Variants in CBLB observed in about 807,000 individuals in gnomAD.
The protein encoded by CBLB is Cbl proto-oncogene B, also known as E3 ubiquitin-protein ligase CBL-B.
A neutral mutation model predicts 104.9 loss-of-function variants in CBLB; 31 were observed. That is an observed-to-expected ratio of 0.30 (90% CI 0.22 to 0.40). CBLB has a LOEUF of 0.40. Among genes scored for constraint, CBLB ranks in the 10% least tolerant of loss-of-function variants. The pLI, the probability that CBLB is intolerant of heterozygous loss-of-function variation, is 1.00. For missense variants in CBLB, 1,062 were observed against 1,214.6 expected (o/e 0.87, Z 1.87); for synonymous variants, 440 against 422.6 (o/e 1.04, Z -0.51).
chr3:105,765,262 C>T (rs1283430920), intron 4 of CBLB, among the ~76,000 whole-genome samples: 1 of 152,140 alleles, frequency 6.6e-6, no homozygotes, highest in African/African-American at 2.4e-5. Context: ...TTCAATCATA[C>T]CCCAAACCTC....
intron 10 of CBLB, among the ~76,000 whole-genome samples, chr3:105,707,847 A>G (rs757657893): frequency 1.3e-5 from 2 of 151,156 alleles, no homozygotes; most frequent in Non-Finnish European, 2.9e-5. Flanking sequence ...GCTCTTTTTT[A>G]TCCTTCTGAA....
chr3:105,726,961 A>G (rs2073734528), intron 9 of CBLB, among the ~76,000 whole-genome samples: 1 of 152,212 alleles, frequency 6.6e-6, no homozygotes, highest in East Asian at 1.9e-4. Context: ...ATAGATGGAC[A>G]TTTGGGTTGG....
intron 16 of CBLB, among the ~76,000 whole-genome samples, chr3:105,680,152 G>A (rs1442788106): frequency 6.6e-6 from 1 of 152,134 alleles, no homozygotes; most frequent in Non-Finnish European, 1.5e-5. Context: ...GTAGACAAGT[G>A]GTATTCAGTG....
At chr3:105,693,438 CA>C in intron 13 of CBLB, 55 bp downstream of exon 13, 1 of 1,038,724 alleles carries the variant, frequency 9.6e-7, no homozygotes, top group Non-Finnish European at 1.4e-6. Flanking sequence ...CTCTCAAAAC[CA>C]CTCTACCATA....
intron 3 of CBLB, among the ~76,000 whole-genome samples, chr3:105,795,442 C>T (rs1198106359): frequency 6.6e-6 from 1 of 152,158 alleles, no homozygotes; most frequent in Non-Finnish European, 1.5e-5. Context: ...ATATTAATGA[C>T]TATAAATATG....
intron 6 of CBLB, among the ~76,000 whole-genome samples, chr3:105,741,440 T>G (rs568169344): frequency 2.0e-5 from 3 of 146,518 alleles, no homozygotes; most frequent in South Asian, 2.2e-4. Context: ...CTGTCGCCCA[T>G]GCTGGAGTGC....
Position 105,853,402 on chromosome 3 carries a change from T to G in CBLB, c.419+12A>C. 1.9e-6 allele frequency: 3 copies of G among 1,613,272 alleles called. No individual in the cohort carries two copies. In the South Asian group the frequency reaches 3.3e-5, roughly 18 times the overall value. ...GACCTTTACACCAAAACATCTGAAATATTCTTCTTACCTGTCCTGTGACTG... is the reference window on the plus strand; with the variant it reads ...GACCTTTACACCAAAACATCTGAAAGATTCTTCTTACCTGTCCTGTGACTG... On this transcript the variant is annotated intron_variant, in intron 3 of 18. Transcript: ENST00000394030.
intron 2 of CBLB, among the ~76,000 whole-genome samples, chr3:105,860,941 T>G (rs945961294): frequency 3.3e-5 from 5 of 152,188 alleles, no homozygotes; most frequent in Non-Finnish European, 7.4e-5. Context: ...ACGTAGGGCT[T>G]TAATATTTTT....
chr3:105,769,682 T>C (rs2078634508), intron 4 of CBLB, among the ~76,000 whole-genome samples: 1 of 152,238 alleles, frequency 6.6e-6, no homozygotes, highest in South Asian at 2.1e-4. Context: ...TATTGAGTTG[T>C]TTCTTTGCAG....
At chr3:105,849,510 A>G (rs1364544874) in intron 3 of CBLB, among the ~76,000 whole-genome samples, 2 of 152,134 alleles carry the variant, frequency 1.3e-5, no homozygotes, top group African/African-American at 4.8e-5. Context: ...ATCAAAATCT[A>G]TGGGAATCTA....
chr3:105,720,595 C>T lies in CBLB; in HGVS notation c.1204-345G>A, dbSNP rs77183986. ...AAACTGGAAATTGAATCGTATCTCTCCTTATGAAAAGAGTGCAGTACTAAC... is the reference window on the plus strand; with the variant it reads ...AAACTGGAAATTGAATCGTATCTCTTCTTATGAAAAGAGTGCAGTACTAAC... On this transcript the variant is annotated intron_variant, in intron 9 of 18. Transcript: ENST00000394030. 9.1e-4 allele frequency among the ~76,000 whole-genome samples: 138 copies of T among 152,258 alleles called. 1 individual carries two copies. The highest frequency in any genetic ancestry group is 1.3e-3 in the Non-Finnish European group (88 of 68,006).
intron 4 of CBLB, among the ~76,000 whole-genome samples, chr3:105,773,086 C>T (rs534880249): frequency 5.9e-5 from 9 of 152,258 alleles, no homozygotes; most frequent in South Asian, 2.1e-4. Context: ...CACATGCACA[C>T]GCTTGTTTAT....
At position 105,742,960 on chromosome 3, in the gene CBLB, C is replaced by T. The variant is rs145257238; in HGVS notation, c.846-2329G>A. On this transcript the variant is annotated intron_variant, in intron 6 of 18. Transcript: ENST00000394030. ...CTCATTATTATACAGAAGGTTCAAG[C>T]AATTCATGTATATAAGAGATAGTAA... 5.9e-5 allele frequency among the ~76,000 whole-genome samples: 9 copies of T among 152,238 alleles called. No homozygotes were observed. In the East Asian group the frequency reaches 1.7e-3, roughly 29 times the overall value.
At chr3:105,725,404 T>C (rs1390949249) in intron 9 of CBLB, among the ~76,000 whole-genome samples, 2 of 152,218 alleles carry the variant, frequency 1.3e-5, no homozygotes, top group African/African-American at 4.8e-5. Context: ...AAAAGATCCA[T>C]GTTGGAGTCA....
Position 105,740,456 on chromosome 3 carries a change from G to T in CBLB, c.983+38C>A, listed in dbSNP as rs763396195. 2.5e-6 allele frequency: 4 copies of T among 1,610,310 alleles called. No homozygotes were observed. The South Asian group carries it at 3.3e-5, about 13-fold the overall frequency. Reference sequence around the variant, plus strand: ...AGCAATCTTTATTTTTCAAATTCATGAATCATAAGCACTCCAACTTCCATT... The same window carrying T: ...AGCAATCTTTATTTTTCAAATTCATTAATCATAAGCACTCCAACTTCCATT... On this transcript the variant is annotated intron_variant, in intron 7 of 18. Transcript: ENST00000394030.
At chr3:105,734,775 C>G (rs1424190346) in intron 8 of CBLB, among the ~76,000 whole-genome samples, 1 of 152,188 alleles carries the variant, frequency 6.6e-6, no homozygotes, top group Non-Finnish European at 1.5e-5. Flanking sequence ...AAGCCTCTGA[C>G]TAAAAAGTGC....
At chr3:105,756,707 A>G (rs2077112525) in intron 4 of CBLB, among the ~76,000 whole-genome samples, 1 of 152,228 alleles carries the variant, frequency 6.6e-6, no homozygotes, top group African/African-American at 2.4e-5. Flanking sequence ...AATTAAGACA[A>G]TGTGGCATTG....
At chr3:105,771,549 AAAAG>A (rs1447284834) in intron 4 of CBLB, among the ~76,000 whole-genome samples, 10 of 152,168 alleles carry the variant, frequency 6.6e-5, no homozygotes, top group Non-Finnish European at 1.5e-5. Flanking sequence ...CCAATAAAAA[AAAAG>A]AAAGAAGAAG....
In CBLB at chr3:105,855,224, CAG is replaced by C. The variant is rs557220781; in HGVS notation, c.169-1562_169-1561del. 7.6e-3 allele frequency among the ~76,000 whole-genome samples: 1,156 copies of C among 152,134 alleles called. 9 individuals are homozygous for C. Among genetic ancestry groups the C allele is most frequent in the Non-Finnish European group, 0.013 (853 of 67,990 alleles). ...AAGAAGGAGTTAAGCAACAAAGAAA[CAG>C]AGAGTAGAACAGTGGGTGGGCCCCA... On this transcript the variant is annotated intron_variant, in intron 2 of 18. Coordinates refer to ENST00000394030, the MANE Select transcript of CBLB (RefSeq NM_170662.5).
Sources: allele counts gnomAD v4.1 joint callset (sites outside exome capture counted in the v4.1 genomes callset), GRCh38; gene constraint gnomAD v4.1.1; transcripts MANE v1.5; gene names NCBI Gene and HGNC (gene_info 2026-07-23, HGNC 2026-07-21).